Variants in EXOC6 observed in about 807,000 individuals in gnomAD.
The protein encoded by EXOC6 is SEC15-like 1.
Under a neutral mutation model 112.5 loss-of-function variants are expected in EXOC6, and 60 were observed. The ratio of observed to expected loss-of-function variants is 0.53; its 90% CI spans 0.43 to 0.66. The LOEUF (loss-of-function observed/expected upper bound fraction) is 0.66, where lower values mean the gene tolerates loss of function less well. EXOC6 is among the 30% of genes least tolerant of loss of function. The pLI, the probability that EXOC6 is intolerant of heterozygous loss-of-function variation, is 0.00. For synonymous variants in EXOC6, 295 were observed against 308.0 expected (o/e 0.96, Z 0.44); for missense variants, 855 against 957.1 (o/e 0.89, Z 1.41).
At chr10:92,885,646 G>C (rs1193568989) in intron 1 of EXOC6, among the ~76,000 whole-genome samples, 1 of 151,956 alleles carries the variant, frequency 6.6e-6, no homozygotes, top group East Asian at 1.9e-4. Context: ...CAAAGTGCTG[G>C]GATTACAGGC....
intron 1 of EXOC6, among the ~76,000 whole-genome samples, chr10:92,886,546 A>T (rs1176990941): frequency 6.6e-6 from 1 of 152,204 alleles, no homozygotes; most frequent in South Asian, 2.1e-4. Flanking sequence ...TATGCTGCTT[A>T]TCACCATTTC....
At chr10:92,972,999 C>T (rs1252276157) in intron 17 of EXOC6, among the ~76,000 whole-genome samples, 1 of 152,178 alleles carries the variant, frequency 6.6e-6, no homozygotes, top group Non-Finnish European at 1.5e-5. Context: ...CTTTGGTTGA[C>T]CTATCGTTTG....
intron 1 of EXOC6, among the ~76,000 whole-genome samples, chr10:92,853,973 A>C (rs1379515342): frequency 6.8e-6 from 1 of 148,056 alleles, no homozygotes; most frequent in East Asian, 2.0e-4. Context: ...ATGCCTCTGC[A>C]CTCCAGTCTG....
chr10:92,947,254 G>A (rs1470754234), intron 13 of EXOC6, among the ~76,000 whole-genome samples: 1 of 152,132 alleles, frequency 6.6e-6, no homozygotes, highest in Admixed American at 6.5e-5. Context: ...CAAGCTATTT[G>A]CATTTGTGAT....
At chr10:92,961,010 A>G (rs1853965953) in intron 17 of EXOC6, among the ~76,000 whole-genome samples, 1 of 152,124 alleles carries the variant, frequency 6.6e-6, no homozygotes, top group African/African-American at 2.4e-5. Flanking sequence ...GACAGATGTT[A>G]TGGTATGGGT....
At chr10:92,837,097 AACACACAC>A (rs58871930) in intron 1 of EXOC6, among the ~76,000 whole-genome samples, 71 of 139,854 alleles carry the variant, frequency 5.1e-4, no homozygotes, top group African/African-American at 1.2e-3. Context: ...GTTATAACAT[AACACACAC>A]ACACACACAC....
chr10:92,908,936 G>T (rs1260348582), intron 5 of EXOC6, among the ~76,000 whole-genome samples: 3 of 151,984 alleles, frequency 2.0e-5, no homozygotes, highest in Non-Finnish European at 4.4e-5. Flanking sequence ...ATACTTAACA[G>T]TATTTCTAAT....
At chr10:92,905,541 T>C (rs1850393519) in intron 5 of EXOC6, among the ~76,000 whole-genome samples, 1 of 152,088 alleles carries the variant, frequency 6.6e-6, no homozygotes, top group African/African-American at 2.4e-5. Context: ...AAGACTTCTG[T>C]TTCTTTTTTC....
At chr10:92,985,430 A>G (rs1842966735) in intron 18 of EXOC6, among the ~76,000 whole-genome samples, 1 of 152,174 alleles carries the variant, frequency 6.6e-6, no homozygotes, top group African/African-American at 2.4e-5. Context: ...GCACCCGTTC[A>G]TGAATTCCCA....
intron 12 of EXOC6, 24 bp from the exon 13 acceptor site, chr10:92,940,703 C>CTTTTTTTTTTTT: frequency 2.4e-6 from 3 of 1,230,518 alleles, no homozygotes; most frequent in East Asian, 2.6e-5. Flanking sequence ...TGTTTATCTG[C>CTTTTTTTTTTTT]TTTTTTTTTT....
At chr10:92,964,411 A>G (rs1411849338) in intron 17 of EXOC6, among the ~76,000 whole-genome samples, 1 of 152,114 alleles carries the variant, frequency 6.6e-6, no homozygotes, top group Non-Finnish European at 1.5e-5. Context: ...CAGTGTAACT[A>G]ACATTAGAAA....
chr10:92,942,587 A>G (rs943431922), intron 13 of EXOC6, among the ~76,000 whole-genome samples: 3 of 152,164 alleles, frequency 2.0e-5, no homozygotes, highest in African/African-American at 7.2e-5. Context: ...TTTATTAACT[A>G]TTTTAAAAAT....
intron 20 of EXOC6, among the ~76,000 whole-genome samples, chr10:93,042,350 A>G (rs1025292759): frequency 6.6e-6 from 1 of 152,212 alleles, no homozygotes; most frequent in Non-Finnish European, 1.5e-5. Context: ...TAGCCTATAC[A>G]TATGTCCATC....
Position 92,948,345 on chromosome 10 carries a change from G to A in EXOC6, c.1382G>A (p.Ser461Asn), listed in dbSNP as rs775923597. Residue 461 changes from serine (S) to asparagine (N), a missense_variant, in exon 14 of 22, where the codon AGC becomes AAC. Transcript: ENST00000260762. ...GAAGAAGAATATAAAATTGTCATCAGCAAATTTCCCTTTCAAGATCCAGAC... is the reference window on the plus strand; with the variant it reads ...GAAGAAGAATATAAAATTGTCATCAACAAATTTCCCTTTCAAGATCCAGAC... ...VNEEEYKIVI[S>N]KFPFQDPDLE... is the part of the protein sequence containing the mutation. The A allele has an allele frequency of 1.2e-6, 2 of 1,606,242 alleles. No individual in the cohort carries two copies. The highest frequency in any genetic ancestry group is 1.7e-5 in the Admixed American group (1 of 58,778).
chr10:93,032,678 A>G (rs2134297897), intron 20 of EXOC6, among the ~76,000 whole-genome samples: 1 of 152,356 alleles, frequency 6.6e-6, no homozygotes, highest in Admixed American at 6.5e-5. Flanking sequence ...GTGGTGAACA[A>G]GATAGGCAGG....
intron 18 of EXOC6, among the ~76,000 whole-genome samples, chr10:92,976,078 C>T (rs1291010698): frequency 4.0e-5 from 6 of 148,480 alleles, no homozygotes; most frequent in African/African-American, 1.2e-4. Context: ...CCCGGCCAGC[C>T]GCCCCGCCCG....
intron 1 of EXOC6, among the ~76,000 whole-genome samples, chr10:92,887,453 A>G (rs2133792388): frequency 7.7e-6 from 1 of 129,382 alleles, no homozygotes; most frequent in South Asian, 2.3e-4. Flanking sequence ...GCTGGAGTGC[A>G]GTGGTGTGAT....
At chr10:92,990,900 G>A (rs1371960091) in intron 18 of EXOC6, among the ~76,000 whole-genome samples, 3 of 151,968 alleles carry the variant, frequency 2.0e-5, no homozygotes, top group Non-Finnish European at 4.4e-5. Context: ...AGTTCTGCTT[G>A]TACTAGACTC....
intron 14 of EXOC6, among the ~76,000 whole-genome samples, chr10:92,951,691 A>G (rs899905408): frequency 6.6e-5 from 10 of 152,234 alleles, no homozygotes; most frequent in African/African-American, 2.4e-4. Flanking sequence ...TTTCAAATGC[A>G]TAATGACTTA....
Sources: allele counts gnomAD v4.1 joint callset (sites outside exome capture counted in the v4.1 genomes callset), GRCh38; gene constraint gnomAD v4.1.1; transcripts MANE v1.5; gene names NCBI Gene and HGNC (gene_info 2026-07-23, HGNC 2026-07-21).